The following DCDC2B variants were observed in gnomAD, a reference collection of about 807,000 sequenced individuals.
The protein encoded by DCDC2B is doublecortin domain containing 2B.
DCDC2B carries 41 observed loss-of-function variants against 38.9 expected under a neutral mutation model. That is an observed-to-expected ratio of 1.05 (90% CI 0.82 to 1.37). The LOEUF (loss-of-function observed/expected upper bound fraction) is 1.37. Among genes scored for constraint, DCDC2B ranks in the 40% most tolerant of loss-of-function variants. DCDC2B has a pLI of 0.00. For synonymous variants in DCDC2B, 181 were observed against 171.9 expected (o/e 1.05, Z -0.41); for missense variants, 453 against 427.2 (o/e 1.06, Z -0.53).
intron 4 of DCDC2B, 85 bp downstream of exon 4, chr1:32,212,286 A>G (rs1237636753): frequency 6.3e-7 from 1 of 1,577,520 alleles, no homozygotes; most frequent in African/African-American, 1.4e-5. Context: ...TGAAGAGGCA[A>G]AAGGAAAGCA....
intron 1 of DCDC2B, 93 bp from the exon 2 acceptor site, chr1:32,211,179 T>C: frequency 8.7e-7 from 1 of 1,152,158 alleles, no homozygotes; most frequent in South Asian, 1.3e-5. Context: ...GAGGGATATC[T>C]GGTGAGCTGC....
intron 4 of DCDC2B, 35 bp downstream of exon 4, chr1:32,212,236 C>G: frequency 6.2e-7 from 1 of 1,601,550 alleles, no homozygotes; most frequent in Non-Finnish European, 8.5e-7. Context: ...CAAAAGTCCC[C>G]AAAGAGAGCC....
intron 3 of DCDC2B, 31 bp downstream of exon 3, chr1:32,211,868 T>C: frequency 6.3e-7 from 1 of 1,586,884 alleles, no homozygotes; most frequent in Non-Finnish European, 8.6e-7. Context: ...GCAGGGGTGT[T>C]GATGTTTGTT....
At chr1:32,214,680 G>A (rs1290258817) in intron 6 of DCDC2B, 117 bp from the exon 7 acceptor site, 5 of 1,430,134 alleles carry the variant, frequency 3.5e-6, no homozygotes, top group Admixed American at 4.5e-5. Context: ...GAAGACAGAC[G>A]GTGTCTCCTC....
Position 32,212,044 on chromosome 1 carries a change from C to G in DCDC2B, c.396-26C>G, listed in dbSNP as rs748596369. ...ACATGTAGGGACTCCTGGGGACACT[C>G]CCCCTTACCAGGCTTTTTGTCTCAG... On this transcript the variant is annotated intron_variant, in intron 3 of 8. Coordinates refer to ENST00000409358, the MANE Select transcript of DCDC2B (RefSeq NM_001099434.2). 1.1e-5 allele frequency: 17 copies of G among 1,604,862 alleles called. No homozygotes were observed. The Middle Eastern group carries it at 1.3e-3, about 125-fold the overall frequency.
chr1:32,215,736 C>T lies in DCDC2B; in HGVS notation c.955-66C>T, dbSNP rs569517122. The T allele has an allele frequency of 1.5e-5, 20 of 1,355,170 alleles. No homozygotes were observed. In the South Asian group the frequency reaches 2.4e-4, roughly 16 times the overall value. The allele number at this position is 1,355,170 out of a possible 1,614,324, so 83.9% of individuals were successfully genotyped here. A position where few individuals can be genotyped will look rare whatever the true frequency, so the allele number is the denominator to read the frequency against. ...TTCCTTCCTTGGGGTTGGGGACCTC[C>T]TGGCTGAGAGCTGGAGGCTGGCCAT... On this transcript the variant is annotated intron_variant, in intron 8 of 8. Coordinates refer to ENST00000409358, the MANE Select transcript of DCDC2B (RefSeq NM_001099434.2).
At chr1:32,213,605 T>G (rs1569767519) in intron 6 of DCDC2B, among the ~76,000 whole-genome samples, 1 of 148,368 alleles carries the variant, frequency 6.7e-6, no homozygotes, top group Non-Finnish European at 1.5e-5. Flanking sequence ...GCCTCCCGGG[T>G]TCATGCCATT....
rs759106217 is a variant in DCDC2B, at chr1:32,212,768, C to T, written c.689C>T (p.Ser230Leu). 14 of 1,613,718 alleles carry T rather than the reference C, an allele frequency of 8.7e-6. No individual in the cohort carries two copies. Among genetic ancestry groups the T allele is most frequent in the African/African-American group, 1.3e-5 (1 of 74,876 alleles). Residue 230 changes from serine to leucine, a missense_variant, in exon 6 of 9, where the codon TCG (serine) becomes TTG (leucine). Coordinates refer to ENST00000409358, the MANE Select transcript of DCDC2B (RefSeq NM_001099434.2). The stretch of plus-strand genomic sequence containing the variant: ...TGTCATTGTAGGCAACCTCCAGGCT[C>T]GAAGTCTAGGCCCCACAGGCAGGGG... The part of the protein sequence containing the change: ...LPRGCWQPPG[S>L]KSRPHRQGAQ...
rs755371601 is a variant in DCDC2B at position 32,215,560 on chromosome 1, G to A, written c.954+17G>A. On this transcript the variant is annotated intron_variant, in intron 8 of 8. Coordinates refer to ENST00000409358, the MANE Select transcript of DCDC2B (RefSeq NM_001099434.2). ...TTGGATCAGGTAAGCTGTTGGATCA[G>A]GAAACAGTATGTTGGGGTGGGAGGA... 35 of 1,610,046 alleles carry A rather than the reference G, an allele frequency of 2.2e-5. No homozygotes were observed. The highest frequency in any genetic ancestry group is 1.7e-4 in the Middle Eastern group (1 of 6,048).
rs1232538305 is a variant in DCDC2B at position 32,214,794 on chromosome 1, T to C, written c.715-3T>C. ...GGGTCCAAGCCCAGTGTCCCTTCTC[T>C]AGGCCCAAGGCCACAGGGCCCAGGT... On this transcript the variant is annotated splice_polypyrimidine_tract_variant and splice_region_variant and intron_variant, in intron 6 of 8. Coordinates refer to ENST00000409358, the MANE Select transcript of DCDC2B (RefSeq NM_001099434.2). The C allele has an allele frequency of 6.2e-7, 1 of 1,613,782 alleles. No homozygotes were observed. Among genetic ancestry groups the C allele is most frequent in the African/African-American group, 1.3e-5 (1 of 74,908 alleles).
At chr1:32,210,453 G>A (rs961147283) in intron 1 of DCDC2B, among the ~76,000 whole-genome samples, 15 of 151,126 alleles carry the variant, frequency 9.9e-5, no homozygotes, top group African/African-American at 3.4e-4. Context: ...AGCTGAGATC[G>A]CACAACTGCA....
intron 3 of DCDC2B, 110 bp from the exon 4 acceptor site, chr1:32,211,960 G>A: frequency 6.5e-7 from 1 of 1,537,836 alleles, no homozygotes; most frequent in South Asian, 1.2e-5. Flanking sequence ...CAGCATGCTT[G>A]ATGGGTGAAG....
rs748587946 is a variant in DCDC2B, at chr1:32,212,476, CCTCT to C, written c.528-8_528-5del. Reference sequence around the variant, plus strand: ...AGTCTACCAGCCCTTATCCTCCTCACCTCTCTCTCCCAGACTCTGCACCCTAGAG... The same window carrying C: ...AGTCTACCAGCCCTTATCCTCCTCACCTCTCCCAGACTCTGCACCCTAGAG... On this transcript the variant is annotated splice_polypyrimidine_tract_variant and intron_variant, in intron 4 of 8. Transcript: ENST00000409358. The C allele has an allele frequency of 2.5e-6, 4 of 1,613,222 alleles. No individual in the cohort carries two copies. The highest frequency in any genetic ancestry group is 3.4e-6 in the Non-Finnish European group (4 of 1,179,404).
At chr1:32,211,414 G>A in intron 2 of DCDC2B, 91 bp downstream of exon 2, 1 of 1,372,496 alleles carries the variant, frequency 7.3e-7, no homozygotes, top group African/African-American at 1.4e-5. Context: ...CAGGGAAGCA[G>A]CAGGATCTGC....
At chr1:32,211,720 G>C in intron 2 of DCDC2B, 41 bp from the exon 3 acceptor site, 1 of 1,566,570 alleles carries the variant, frequency 6.4e-7, no homozygotes, top group Admixed American at 1.9e-5. Flanking sequence ...CTAACCAAAG[G>C]CCCCAACTCT....
rs1177843066 is a variant in DCDC2B at position 32,215,261 on chromosome 1, T to C, written c.851-179T>C. On this transcript the variant is annotated intron_variant, in intron 7 of 8. Coordinates refer to ENST00000409358, the MANE Select transcript of DCDC2B (RefSeq NM_001099434.2). ...AAGCGATAAGACTTCAGGGGTGGGA[T>C]ATAGAGGGGATGGGGGTGGGACCAA... 4.7e-5 allele frequency: 29 copies of C among 615,372 alleles called. No individual in the cohort carries two copies. The East Asian group carries it at 7.7e-4, about 16-fold the overall frequency. 38.1% of individuals were successfully genotyped at this position (615,372 alleles called of 1,614,324 possible).
chr1:32,211,245 T>G, intron 1 of DCDC2B, 27 bp from the exon 2 acceptor site: 1 of 1,612,476 alleles, frequency 6.2e-7, no homozygotes, highest in Non-Finnish European at 8.5e-7. Flanking sequence ...CTCCACAAGA[T>G]GACCTGTGAT....
exon 9 of DCDC2B, chr1:32,216,187 TACTA>T: frequency 1.2e-6 from 1 of 835,128 alleles, no homozygotes; most frequent in Admixed American, 2.9e-5. Flanking sequence ...AAAGAATACT[TACTA>T]ACCTCTTGTC....
rs11590012 is a variant in DCDC2B at position 32,215,468 on chromosome 1, C to G, written c.879C>G (p.His293Gln). The G allele has an allele frequency of 6.2e-7, 1 of 1,613,284 alleles. No individual in the cohort carries two copies. The highest frequency in any genetic ancestry group is 1.1e-5 in the South Asian group (1 of 91,044). The change falls in exon 8 of 9, where the codon CAC becomes CAG. Residue 293 changes from histidine (H) to glutamine (Q), a missense_variant. His to Gln is a conservative substitution (Grantham distance 24, BLOSUM62 0). Coordinates refer to ENST00000409358, the MANE Select transcript of DCDC2B (RefSeq NM_001099434.2). ...SGVIGVYGAPHRRKETAGALE... is the reference protein window; with the variant it reads ...SGVIGVYGAPQRRKETAGALE... ...TTATAGGAGTATATGGAGCTCCCCA[C>G]CGAAGGAAGGAGACAGCGGGGGCCC...
Sources: gnomAD v4.1 joint callset for allele counts (sites outside exome capture counted in the v4.1 genomes callset) on GRCh38, gnomAD v4.1.1 for gene constraint, MANE v1.5 for transcripts, NCBI Gene and HGNC (gene_info 2026-07-23, HGNC 2026-07-21) for gene names.